TIGD1: variants seen among roughly 807,000 people sequenced by gnomAD.
TIGD1 encodes the protein tigger transposable element-derived protein 1.
In TIGD1, 20 loss-of-function variants were observed where a neutral mutation model predicts 21.3. The observed-to-expected ratio is 0.94, with a 90% CI of 0.66 to 1.36. The LOEUF is 1.36. Among genes scored for constraint, TIGD1 ranks in the 40% most tolerant of loss-of-function variants. The probability of loss-of-function intolerance (pLI) is 0.00; values close to 1 mark genes in which losing one functional copy is unlikely to be tolerated. For synonymous variants in TIGD1, 177 were observed against 123.2 expected (o/e 1.44, Z -2.89); for missense variants, 556 against 350.5 (o/e 1.59, Z -4.68).
At position 232,548,705 on chromosome 2, in the gene TIGD1, T is replaced by G. The variant is rs1156251212; in HGVS notation, c.1178A>C (p.Glu393Ala). 4.1e-6 allele frequency: 2 copies of G among 487,074 alleles called. No homozygotes were observed. Among genetic ancestry groups the G allele is most frequent in the Admixed American group, 4.7e-5 (2 of 42,260 alleles). 30.2% of individuals were successfully genotyped at this position (487,074 alleles called of 1,614,324 possible). Residue 393 changes from glutamate (E) to alanine (A), a missense_variant, in exon 1 of 1, where the codon GAG becomes GCG. Transcript: ENST00000408957. ...AIKNIRDSWE[E>A]VKLSTLTGVW... Reference sequence around the variant, plus strand: ...TCCTGTTAATGTTGACAATTTGACCTCCTCCCATGAATCACGAATGTTTTT... The same window carrying G: ...TCCTGTTAATGTTGACAATTTGACCGCCTCCCATGAATCACGAATGTTTTT...
rs1411994341 is a variant in TIGD1 at position 232,544,616 on chromosome 2, C to T, written c.*3491G>A. 6.3e-7 allele frequency: 1 copy of T among 1,589,020 alleles called. No individual in the cohort carries two copies. The highest frequency in any genetic ancestry group is 8.6e-7 in the Non-Finnish European group (1 of 1,158,842). Reference sequence around the variant, plus strand: ...CCAGGTGTGCCTGGGGACAGTCCTCCCCTGGGACCCCAGCTGGGGAGCCAG... The same window carrying T: ...CCAGGTGTGCCTGGGGACAGTCCTCTCCTGGGACCCCAGCTGGGGAGCCAG... On this transcript the variant is annotated 3_prime_UTR_variant, in exon 1 of 1. Transcript: ENST00000408957.
At position 232,544,763 on chromosome 2, in the gene TIGD1, C is replaced by G. The variant is rs561085959; in HGVS notation, c.*3344G>C. 1 of 1,613,770 alleles carries G rather than the reference C, an allele frequency of 6.2e-7. No individual in the cohort carries two copies. Reference sequence around the variant, plus strand: ...TCTACTCCCAAACCTTACCCTTTCTCTTTATCAGAGAAAGGCCCGGAGTTA... The same window carrying G: ...TCTACTCCCAAACCTTACCCTTTCTGTTTATCAGAGAAAGGCCCGGAGTTA... On this transcript the variant is annotated 3_prime_UTR_variant, in exon 1 of 1. Coordinates refer to ENST00000408957, the MANE Select transcript of TIGD1 (RefSeq NM_145702.4).
At position 232,546,073 on chromosome 2, in the gene TIGD1, G is replaced by A. The variant is rs1692128180; in HGVS notation, c.*2034C>T. Reference sequence around the variant, plus strand: ...TGTTTTGTATAATACCTTCGGACTTGGGACTGGCTCCCCTTTTACAAGTTC... The same window carrying A: ...TGTTTTGTATAATACCTTCGGACTTAGGACTGGCTCCCCTTTTACAAGTTC... On this transcript the variant is annotated 3_prime_UTR_variant, in exon 1 of 1. Transcript: ENST00000408957. 24 of 370,344 alleles carry A rather than the reference G, an allele frequency of 6.5e-5. No homozygotes were observed. Among genetic ancestry groups the A allele is most frequent in the South Asian group, 5.4e-4 (24 of 44,558 alleles). 22.9% of individuals were successfully genotyped at this position (370,344 alleles called of 1,614,324 possible).
Position 232,550,342 on chromosome 2 carries a change from CAG to C in TIGD1, c.-462_-461del, listed in dbSNP as rs1692255832. Reference sequence around the variant, plus strand: ...GCCTCCGGGAGGTCAAAAGAGATACCAGAGAGTGCGTCCCGCACTGGAGGAAG... The same window carrying C: ...GCCTCCGGGAGGTCAAAAGAGATACCAGAGTGCGTCCCGCACTGGAGGAAG... On this transcript the variant is annotated 5_prime_UTR_variant, in exon 1 of 1. Coordinates refer to ENST00000408957, the MANE Select transcript of TIGD1 (RefSeq NM_145702.4). 7 of 389,210 alleles carry C rather than the reference CAG, an allele frequency of 1.8e-5. No homozygotes were observed. Among genetic ancestry groups the C allele is most frequent in the Admixed American group, 1.4e-4 (3 of 21,264 alleles). The allele number at this position is 389,210 out of a possible 1,614,324, so 24.1% of individuals were successfully genotyped here.
rs1244258747 is a variant in TIGD1, at chr2:232,549,043, A to G, written c.840T>C (p.Phe280=). The change falls in exon 1 of 1, where the codon TTT becomes TTC. Residue 280 remains phenylalanine, a synonymous_variant. Transcript: ENST00000408957. ...AGCAGTAGGTCTCAACAGTGGGTTT[A>G]AAATATTCAGTAAACCACGCTGTAA... The part of the protein sequence containing the change: ...HLFTAWFTEY[F]KPTVETYCSE... The G allele has an allele frequency of 1.4e-6, 1 of 710,474 alleles. No homozygotes were observed. Among genetic ancestry groups the G allele is most frequent in the Non-Finnish European group, 2.6e-6 (1 of 383,426 alleles). 44.0% of individuals were successfully genotyped at this position (710,474 alleles called of 1,614,324 possible).
At position 232,545,545 on chromosome 2, in the gene TIGD1, G is replaced by T. The variant is rs773983788; in HGVS notation, c.*2562C>A. ...CCACACCTGCCTCCCACCCTCAGGGGAATGAGGAGTGGTTCCTGGTGGGCC... is the reference window on the plus strand; with the variant it reads ...CCACACCTGCCTCCCACCCTCAGGGTAATGAGGAGTGGTTCCTGGTGGGCC... On this transcript the variant is annotated 3_prime_UTR_variant, in exon 1 of 1. Coordinates refer to ENST00000408957, the MANE Select transcript of TIGD1 (RefSeq NM_145702.4). The T allele has an allele frequency of 6.2e-7, 1 of 1,613,560 alleles. No individual in the cohort carries two copies. Among genetic ancestry groups the T allele is most frequent in the South Asian group, 1.1e-5 (1 of 91,042 alleles).
At position 232,550,195 on chromosome 2, in the gene TIGD1, G is replaced by T. The variant is rs762841239; in HGVS notation, c.-313C>A. 1.0e-4 allele frequency: 32 copies of T among 316,694 alleles called. No individual in the cohort carries two copies. The highest frequency in any genetic ancestry group is 1.6e-4 in the Non-Finnish European group (26 of 165,282). 19.6% of individuals were successfully genotyped at this position (316,694 alleles called of 1,614,324 possible). A position where few individuals can be genotyped will look rare whatever the true frequency, so the allele number is the denominator to read the frequency against. ...CACATGCTGTTGGAAAAATGGCGCT[G>T]ATACAATTGCTGGACTCAGGGCTGC... On this transcript the variant is annotated 5_prime_UTR_variant, in exon 1 of 1. Transcript: ENST00000408957.
Position 232,550,233 on chromosome 2 carries a change from A to C in TIGD1, c.-351T>G. 3.4e-6 allele frequency: 1 copy of C among 293,604 alleles called. No individual in the cohort carries two copies. The highest frequency in any genetic ancestry group is 7.1e-5 in the East Asian group (1 of 14,114). 18.2% of individuals were successfully genotyped at this position (293,604 alleles called of 1,614,324 possible). ...GACTCAGGGCTGCCACAAACCCTCC[A>C]TTTGTTTTCAGAATGCCCTATCTGC... On this transcript the variant is annotated 5_prime_UTR_variant, in exon 1 of 1. The change abolishes an upstream ATG in the 5' untranslated region. Transcript: ENST00000408957.
rs72991939 is a variant in TIGD1 at position 232,546,284 on chromosome 2, C to T, written c.*1823G>A. ...CATTTTTCTGCCACTGACCACAAGACGATTTCCTGAGTTTTGTAATCCTCT... is the reference window on the plus strand; with the variant it reads ...CATTTTTCTGCCACTGACCACAAGATGATTTCCTGAGTTTTGTAATCCTCT... On this transcript the variant is annotated 3_prime_UTR_variant, in exon 1 of 1. Coordinates refer to ENST00000408957, the MANE Select transcript of TIGD1 (RefSeq NM_145702.4). The T allele has an allele frequency of 0.19, 28,229 of 150,740 alleles. 2,896 individuals are homozygous for T. Among genetic ancestry groups the T allele is most frequent in the Middle Eastern group, 0.27 (75 of 280 alleles). The allele number at this position is 150,740 out of a possible 1,614,324, so 9.3% of individuals were successfully genotyped here.
rs982791437 is a variant in TIGD1 at position 232,546,449 on chromosome 2, G to A, written c.*1658C>T. ...TGCAGCCTCAACCTCCAGGGCTCAA[G>A]CAATGCTCCTGCCTCAGCCTCCCAA... On this transcript the variant is annotated 3_prime_UTR_variant, in exon 1 of 1. Transcript: ENST00000408957. The A allele has an allele frequency of 1.3e-5, 2 of 152,762 alleles. No individual in the cohort carries two copies. The highest frequency in any genetic ancestry group is 6.5e-5 in the Admixed American group (1 of 15,348). 9.5% of individuals were successfully genotyped at this position (152,762 alleles called of 1,614,324 possible).
Position 232,550,524 on chromosome 2 carries a change from G to A in TIGD1, c.-642C>T. On this transcript the variant is annotated 5_prime_UTR_variant, in exon 1 of 1. Coordinates refer to ENST00000408957, the MANE Select transcript of TIGD1 (RefSeq NM_145702.4). The stretch of plus-strand genomic sequence containing the variant: ...CTGGACAGAGGCAGAACTGAGGCCA[G>A]CAGCCAGCTCCGCCGCTGAGTCCAG... The A allele has an allele frequency of 4.6e-6, 3 of 648,286 alleles. No homozygotes were observed. Among genetic ancestry groups the A allele is most frequent in the Non-Finnish European group, 8.0e-6 (3 of 374,494 alleles). 40.2% of individuals were successfully genotyped at this position (648,286 alleles called of 1,614,324 possible). A position where few individuals can be genotyped will look rare whatever the true frequency, so the allele number is the denominator to read the frequency against.
Position 232,548,392 on chromosome 2 carries a change from G to A in TIGD1, c.1491C>T (p.Asn497=), listed in dbSNP as rs753241353. Residue 497 remains asparagine (N), a synonymous_variant, in exon 1 of 1, where the codon AAC becomes AAT. Coordinates refer to ENST00000408957, the MANE Select transcript of TIGD1 (RefSeq NM_145702.4). ...ACCCTGCTGCTGCTTTATCAACTAA[G>A]TTTATGTAATATTCTAAATCCTTTG... ...MTTKDLEYYI[N]LVDKAAAGFE... The A allele has an allele frequency of 3.5e-5, 29 of 820,728 alleles. No homozygotes were observed. The highest frequency in any genetic ancestry group is 4.7e-5 in the Non-Finnish European group (24 of 505,406). The allele number at this position is 820,728 out of a possible 1,614,324, so 50.8% of individuals were successfully genotyped here.
In TIGD1 at chr2:232,549,136, A is replaced by C. The variant is rs1692206157; in HGVS notation, c.747T>G (p.Asn249Lys). The change falls in exon 1 of 1, where the codon AAT (asparagine) becomes AAG (lysine). Residue 249 changes from asparagine (N) to lysine (K), a missense_variant. By Grantham distance (94) the Asn-to-Lys change is moderately conservative. Coordinates refer to ENST00000408957, the MANE Select transcript of TIGD1 (RefSeq NM_145702.4). ...YHSENPRALK[N>K]YTKSTLPVLY... ...GCACGGGTAGAGTAGATTTAGTATA[A>C]TTCTTAAGGGCCCTAGGATTTTCAG... The C allele has an allele frequency of 1.4e-6, 1 of 715,620 alleles. No individual in the cohort carries two copies. Among genetic ancestry groups the C allele is most frequent in the Non-Finnish European group, 2.6e-6 (1 of 384,746 alleles). The allele number at this position is 715,620 out of a possible 1,614,324, so 44.3% of individuals were successfully genotyped here. A position where few individuals can be genotyped will look rare whatever the true frequency, so the allele number is the denominator to read the frequency against.
In TIGD1 at chr2:232,549,960, T is replaced by A; in HGVS notation, c.-78A>T. On this transcript the variant is annotated 5_prime_UTR_variant, in exon 1 of 1. Transcript: ENST00000408957. The stretch of plus-strand genomic sequence containing the variant: ...GGAGGCCCAAGAAGAGGGAGAGAGA[T>A]GGGGAACGGTCTGTGGGTGGAGCGG... 1.3e-6 allele frequency: 1 copy of A among 789,652 alleles called. No individual in the cohort carries two copies. 48.9% of individuals were successfully genotyped at this position (789,652 alleles called of 1,614,324 possible). A position where few individuals can be genotyped will look rare whatever the true frequency, so the allele number is the denominator to read the frequency against.
rs759553243 is a variant in TIGD1 at position 232,544,709 on chromosome 2, G to A, written c.*3398C>T. 6.3e-7 allele frequency: 1 copy of A among 1,599,622 alleles called. No individual in the cohort carries two copies. The highest frequency in any genetic ancestry group is 8.6e-7 in the Non-Finnish European group (1 of 1,167,990). ...GAGGAGCTGGGGTCCCTAAGGAGAG[G>A]CCATCTTCTCTGCCTGTTTCTCCTC... is the stretch of plus-strand genomic sequence containing the variant. On this transcript the variant is annotated 3_prime_UTR_variant, in exon 1 of 1. Coordinates refer to ENST00000408957, the MANE Select transcript of TIGD1 (RefSeq NM_145702.4).
At position 232,546,977 on chromosome 2, in the gene TIGD1, T is replaced by C. The variant is rs921434780; in HGVS notation, c.*1130A>G. 7.2e-6 allele frequency among the ~76,000 whole-genome samples: 1 copy of C among 139,840 alleles called. No individual in the cohort carries two copies. Among genetic ancestry groups the C allele is most frequent in the African/African-American group, 2.6e-5 (1 of 38,572 alleles). The allele number at this position is 139,840 out of a possible 152,430, so 91.7% of individuals were successfully genotyped here. On this transcript the variant is annotated 3_prime_UTR_variant, in exon 1 of 1. Coordinates refer to ENST00000408957, the MANE Select transcript of TIGD1 (RefSeq NM_145702.4). ...TAATCAGGTAGTAAGGCTGGGGTCT[T>C]CCTGGGGGAGAGGCAAGGTCCTGCT...
chr2:232,548,025 G>C lies in TIGD1; in HGVS notation c.*82C>G, dbSNP rs1692161282. On this transcript the variant is annotated 3_prime_UTR_variant, in exon 1 of 1. Transcript: ENST00000408957. ...TATGTTTACACTATACTGTAGACCA[G>C]CAAGAGTGCAATAGCATTGTCTAAT... The C allele has an allele frequency of 1.9e-6, 1 of 539,670 alleles. No homozygotes were observed. The highest frequency in any genetic ancestry group is 3.1e-5 in the East Asian group (1 of 32,032). The allele number at this position is 539,670 out of a possible 1,614,324, so 33.4% of individuals were successfully genotyped here.
At position 232,544,079 on chromosome 2, in the gene TIGD1, C is replaced by T. The variant is rs954671424; in HGVS notation, c.*4028G>A. On this transcript the variant is annotated 3_prime_UTR_variant, in exon 1 of 1. Coordinates refer to ENST00000408957, the MANE Select transcript of TIGD1 (RefSeq NM_145702.4). ...CCCACCTGCAGCCTTCAGCTTGGGC[C>T]CTTGTTGCACATGCAGATTCCCAGG... 2.0e-5 allele frequency among the ~76,000 whole-genome samples: 3 copies of T among 152,162 alleles called. No homozygotes were observed. The highest frequency in any genetic ancestry group is 7.2e-5 in the African/African-American group (3 of 41,436).
Position 232,549,074 on chromosome 2 carries a change from T to A in TIGD1, c.809A>T (p.His270Leu), listed in dbSNP as rs1692201623. Residue 270 changes from histidine (H) to leucine (L), a missense_variant, in exon 1 of 1, where the codon CAT becomes CTT. Physicochemically the swap from His to Leu is moderately conservative, Grantham distance 99 (BLOSUM62 -3). Coordinates refer to ENST00000408957, the MANE Select transcript of TIGD1 (RefSeq NM_145702.4). ...TTCAGTAAACCACGCTGTAAACAGA[T>A]GTGCTGTCATCCGGGCTTTGCTGTT... ...KWNSKARMTA[H>L]LFTAWFTEYF... 1 of 715,192 alleles carries A rather than the reference T, an allele frequency of 1.4e-6. No individual in the cohort carries two copies. Among genetic ancestry groups the A allele is most frequent in the South Asian group, 1.5e-5 (1 of 67,092 alleles). 44.3% of individuals were successfully genotyped at this position (715,192 alleles called of 1,614,324 possible).
Sources: allele counts gnomAD v4.1 joint callset (sites outside exome capture counted in the v4.1 genomes callset), GRCh38; gene constraint gnomAD v4.1.1; transcripts MANE v1.5; gene names NCBI Gene and HGNC (gene_info 2026-07-23, HGNC 2026-07-21).